Variants in ZNF730 observed in about 807,000 individuals in gnomAD.
ZNF730 encodes the protein zinc finger protein 730, also known as putative zinc finger protein 730.
ZNF730 carries 12 observed loss-of-function variants against 12.6 expected under a neutral mutation model. That is an observed-to-expected ratio of 0.95 (90% CI 0.61 to 1.54). The LOEUF (loss-of-function observed/expected upper bound fraction) is 1.54, where lower values mean the gene tolerates loss of function less well. ZNF730 is among the 40% of genes most tolerant of loss of function. The pLI is 0.00. For synonymous variants in ZNF730, 194 were observed against 195.8 expected (o/e 0.99, Z 0.08); for missense variants, 643 against 583.5 (o/e 1.10, Z -1.05).
intron 1 of ZNF730, among the ~76,000 whole-genome samples, chr19:23,123,019 G>A (rs924294909): frequency 6.6e-6 from 1 of 152,122 alleles, no homozygotes; most frequent in African/African-American, 2.4e-5. Context: ...TTATAGGTAA[G>A]CATTGTTTTA....
rs1327119219 is a variant in ZNF730 at position 23,145,895 on chromosome 19, A to G, written c.851A>G (p.Tyr284Cys). ...HKRIHTGEKP[Y>C]KCEECGKAFN... ...AGAATTCATACTGGAGAGAAACCCTATAAATGTGAAGAATGTGGCAAAGCC... is the reference window on the plus strand; with the variant it reads ...AGAATTCATACTGGAGAGAAACCCTGTAAATGTGAAGAATGTGGCAAAGCC... Residue 284 changes from tyrosine (Y) to cysteine (C), a missense_variant, in exon 4 of 4, where the codon TAT becomes TGT. Transcript: ENST00000597761. The G allele has an allele frequency of 3.7e-6, 6 of 1,610,884 alleles. No homozygotes were observed. The highest frequency in any genetic ancestry group is 3.3e-4 in the Middle Eastern group (2 of 6,042).
At chr19:23,111,418 A>G (rs1045879133) in intron 1 of ZNF730, among the ~76,000 whole-genome samples, 16 of 152,176 alleles carry the variant, frequency 1.1e-4, no homozygotes, top group Admixed American at 8.5e-4. Flanking sequence ...AGTGATAAAG[A>G]TACTTATTTC....
At chr19:23,115,697 AGC>A (rs1219141392), upstream of ZNF730, among the ~76,000 whole-genome samples, 17 of 28,218 alleles carry the variant, frequency 6.0e-4, no homozygotes, top group South Asian at 0.043. Flanking sequence ...CACCCCCAGA[AGC>A]AGAAGCTTAC....
intron 1 of ZNF730, chr19:23,100,405 C>T (rs1970319300): frequency 6.6e-6 from 1 of 152,168 alleles, no homozygotes; most frequent in Non-Finnish European, 1.5e-5. Flanking sequence ...TCAAATCTCA[C>T]TCTCTGACAT....
chr19:23,130,929 C>T (rs1358699327), intron 1 of ZNF730, among the ~76,000 whole-genome samples: 1 of 152,160 alleles, frequency 6.6e-6, no homozygotes, highest in Non-Finnish European at 1.5e-5. Context: ...TCTCACAGAA[C>T]TGATTAGAAA....
At chr19:23,115,418 G>A (rs775780140), upstream of ZNF730, among the ~76,000 whole-genome samples, 1 of 152,142 alleles carries the variant, frequency 6.6e-6, no homozygotes, top group Non-Finnish European at 1.5e-5. Flanking sequence ...TTTGCCACGT[G>A]CTTTTTTACA....
chr19:23,133,186 TG>T (rs1044362863), intron 1 of ZNF730, among the ~76,000 whole-genome samples: 2 of 152,158 alleles, frequency 1.3e-5, no homozygotes, highest in Non-Finnish European at 1.5e-5. Flanking sequence ...TGCCTTTATC[TG>T]CCTATGGAAA....
At position 23,117,128 on chromosome 19, in the gene ZNF730, TG is replaced by T. The variant is rs750095463; in HGVS notation, c.-43del. The T allele has an allele frequency of 6.2e-7, 1 of 1,613,428 alleles. No homozygotes were observed. The highest frequency in any genetic ancestry group is 1.3e-5 in the African/African-American group (1 of 74,924). ...GTGTGGCCCTGCGACCTGCGGGTAT[TG>T]GGAGATCCACAGCTAAGACGCCAGG... On this transcript the variant is annotated 5_prime_UTR_variant, in exon 1 of 4. Transcript: ENST00000597761.
chr19:23,107,474 A>AC lies in ZNF730; in HGVS notation c.-93-26606_-93-26605insC, dbSNP rs1970408852. On this transcript the variant is annotated intron_variant, in intron 1 of 2. Coordinates refer to the ZNF730 transcript ENST00000593635. ...CAAAAAAAAAAAAAAAAAAAAAAAA[A>AC]ACCACCACAGCTCTGTTTTTTGTTA... Among the ~76,000 whole-genome samples, 2 of 148,668 alleles carry AC rather than the reference A, an allele frequency of 1.3e-5. 1 individual carries two copies. Among genetic ancestry groups the AC allele is most frequent in the African/African-American group, 4.9e-5 (2 of 40,472 alleles).
At chr19:23,079,359 C>T (rs140138102) in intron 1 of ZNF730, among the ~76,000 whole-genome samples, 7 of 151,996 alleles carry the variant, frequency 4.6e-5, no homozygotes, top group African/African-American at 1.7e-4. Context: ...GGTTTCTCCA[C>T]GTTGGTCAGG....
chr19:23,086,047 C>G lies in ZNF730; in HGVS notation c.-94+10660C>G, dbSNP rs569886426. 3.0e-4 allele frequency among the ~76,000 whole-genome samples: 46 copies of G among 151,804 alleles called. 1 individual carries two copies. Among genetic ancestry groups the G allele is most frequent in the African/African-American group, 9.9e-4 (41 of 41,426 alleles). ...TTTAATAGAGACGGGGTTTCACCGT[C>G]GTGGCCAGGCTGGTCTGGAATTCCT... On this transcript the variant is annotated intron_variant, in intron 1 of 2. Coordinates refer to the ZNF730 transcript ENST00000593635.
chr19:23,143,794 A>T (rs940916983), intron 3 of ZNF730: 2 of 152,112 alleles, frequency 1.3e-5, no homozygotes, highest in African/African-American at 4.8e-5. Context: ...TTGACAATTC[A>T]CTGGTTATAT....
At chr19:23,128,775 G>T (rs1420909281) in intron 1 of ZNF730, among the ~76,000 whole-genome samples, 1 of 152,190 alleles carries the variant, frequency 6.6e-6, no homozygotes, top group African/African-American at 2.4e-5. Flanking sequence ...TAAGCCAGCT[G>T]TGGGAAAAAT....
chr19:23,142,560 C>A (rs1043759897), intron 3 of ZNF730, among the ~76,000 whole-genome samples: 2 of 151,354 alleles, frequency 1.3e-5, no homozygotes, highest in African/African-American at 4.9e-5. Flanking sequence ...TGGTGGCGGG[C>A]GCCTGTAGTC....
chr19:23,140,467 C>T (rs564405448), intron 3 of ZNF730, among the ~76,000 whole-genome samples: 98 of 151,236 alleles, frequency 6.5e-4, no homozygotes, highest in African/African-American at 2.2e-3. Flanking sequence ...AAAAATTAGC[C>T]GAGTGTAGTG....
rs61741847 is a variant in ZNF730 at position 23,146,096 on chromosome 19, G to A, written c.1052G>A (p.Arg351Gln). 11 of 1,609,744 alleles carry A rather than the reference G, an allele frequency of 6.8e-6. No individual in the cohort carries two copies. The highest frequency in any genetic ancestry group is 3.4e-5 in the Admixed American group (2 of 59,646). ...GAAGAATGTGGCAAAGCTTTTAACCGATCCTCAACCCTTAATAGACATAAG... is the reference window on the plus strand; with the variant it reads ...GAAGAATGTGGCAAAGCTTTTAACCAATCCTCAACCCTTAATAGACATAAG... ...KCEECGKAFN[R>Q]SSTLNRHKIT... The change falls in exon 4 of 4, where the codon CGA (arginine) becomes CAA (glutamine). Residue 351 changes from arginine to glutamine, a missense_variant. Transcript: ENST00000597761.
intron 1 of ZNF730, among the ~76,000 whole-genome samples, chr19:23,086,274 A>G (rs1190357719): frequency 3.3e-5 from 5 of 152,132 alleles, no homozygotes; most frequent in Non-Finnish European, 7.4e-5. Context: ...TACTCTGTTC[A>G]TAGTTTCTTT....
intron 1 of ZNF730, among the ~76,000 whole-genome samples, chr19:23,104,821 G>T (rs751969112): frequency 6.6e-6 from 1 of 152,118 alleles, no homozygotes; most frequent in African/African-American, 2.4e-5. Context: ...TCTGTACAGC[G>T]TTCCTGACCT....
chr19:23,086,808 A>AT (rs563317361), intron 1 of ZNF730, among the ~76,000 whole-genome samples: 2 of 152,038 alleles, frequency 1.3e-5, no homozygotes, highest in Non-Finnish European at 2.9e-5. Context: ...TTTTAAAATA[A>AT]TTTTTTTCTA....
Sources: allele counts gnomAD v4.1 joint callset (sites outside exome capture counted in the v4.1 genomes callset), GRCh38; gene constraint gnomAD v4.1.1; transcripts MANE v1.5; gene names NCBI Gene and HGNC (gene_info 2026-07-23, HGNC 2026-07-21).